The following ELP2 variants were observed in gnomAD, a reference collection of about 807,000 sequenced individuals.
ELP2 encodes the protein elongator complex protein 2.
In ELP2, 90 loss-of-function variants were observed where a neutral mutation model predicts 119.2. The ratio of observed to expected loss-of-function variants is 0.75; its 90% CI spans 0.64 to 0.90. The LOEUF (loss-of-function observed/expected upper bound fraction) is 0.90. ELP2 is among the 40% of genes least tolerant of loss of function. ELP2 has a pLI of 0.00. For synonymous variants in ELP2, 339 were observed against 331.0 expected (o/e 1.02, Z -0.26); for missense variants, 921 against 967.8 (o/e 0.95, Z 0.64).
In ELP2 at chr18:36,134,216, G is replaced by A. The variant is rs2089746818; in HGVS notation, c.217+900G>A. Among the ~76,000 whole-genome samples the A allele has an allele frequency of 2.6e-5, 4 of 152,268 alleles. No homozygotes were observed. In the South Asian group the frequency reaches 8.3e-4, roughly 32 times the overall value. On this transcript the variant is annotated intron_variant, in intron 2 of 21. Coordinates refer to ENST00000358232, the MANE Select transcript of ELP2 (RefSeq NM_018255.4). ...ATGTGAGAAGTAAGAGATTGGACTA[G>A]ATCAAGGGTGTCTTAGAGGTTTGTA...
chr18:36,162,224 C>T (rs534644099), intron 17 of ELP2, among the ~76,000 whole-genome samples: 13 of 152,292 alleles, frequency 8.5e-5, no homozygotes, highest in African/African-American at 2.4e-4. Flanking sequence ...TCCCTTTCCC[C>T]TCCTGCCTCC....
Position 36,167,157 on chromosome 18 carries a change from A to C in ELP2, c.2011A>C (p.Ile671Leu). The change falls in exon 19 of 22, where the codon ATT (isoleucine) becomes CTT (leucine). Residue 671 changes from isoleucine (I) to leucine (L), a missense_variant. By Grantham distance (5) the Ile-to-Leu change is conservative (BLOSUM62 2). Coordinates refer to ENST00000358232, the MANE Select transcript of ELP2 (RefSeq NM_018255.4). ...TNKITSVHSR[I>L]IWSCDWSPDS... The stretch of plus-strand genomic sequence containing the variant: ...CAAAATTACTTCTGTGCACAGTAGA[A>C]TTATTTGGTCTTGTGATTGGAGTCC... 2 of 1,600,936 alleles carry C rather than the reference A, an allele frequency of 1.2e-6. No homozygotes were observed. Among genetic ancestry groups the C allele is most frequent in the Non-Finnish European group, 1.7e-6 (2 of 1,172,960 alleles).
intron 11 of ELP2, among the ~76,000 whole-genome samples, chr18:36,152,904 A>G (rs772568979): frequency 2.3e-4 from 35 of 152,284 alleles, no homozygotes; most frequent in Non-Finnish European, 3.8e-4. Flanking sequence ...ATTCCTTAGC[A>G]CTACACCCTT....
At chr18:36,145,545 C>G (rs766539232) in intron 9 of ELP2, among the ~76,000 whole-genome samples, 1 of 152,148 alleles carries the variant, frequency 6.6e-6, no homozygotes. Flanking sequence ...GGCCTCTTCC[C>G]CAAGGCAATA....
At chr18:36,130,499 T>C (rs1372476520) in intron 1 of ELP2, among the ~76,000 whole-genome samples, 2 of 152,204 alleles carry the variant, frequency 1.3e-5, no homozygotes, top group African/African-American at 4.8e-5. Context: ...ACTTTTGTTG[T>C]ATTGAATTTC....
chr18:36,133,732 ATTTAT>A (rs914287026), intron 2 of ELP2, among the ~76,000 whole-genome samples: 5 of 46,266 alleles, frequency 1.1e-4, no homozygotes, highest in African/African-American at 1.7e-4. Flanking sequence ...TTATTTATTT[ATTTAT>A]TTTTTTTTTG....
rs998031780 is a variant in ELP2, at chr18:36,180,545, C to T, written c.*5904C>T. The T allele has an allele frequency of 4.6e-5, 7 of 152,200 alleles. No individual in the cohort carries two copies. The highest frequency in any genetic ancestry group is 1.7e-4 in the African/African-American group (7 of 41,456). The allele number at this position is 152,200 out of a possible 1,614,324, so 9.4% of individuals were successfully genotyped here. ...TATTATGATTAAATAAAGCTCTGCT[C>T]GTGTCAACTCCATAGAGCCTTTGGT... On this transcript the variant is annotated 3_prime_UTR_variant, in exon 22 of 22. Coordinates refer to ENST00000358232, the MANE Select transcript of ELP2 (RefSeq NM_018255.4).
intron 21 of ELP2, among the ~76,000 whole-genome samples, chr18:36,174,207 A>T (rs1416186392): frequency 6.6e-6 from 1 of 152,174 alleles, no homozygotes; most frequent in Admixed American, 6.5e-5. Context: ...ATTTAAAAAA[A>T]TTTTATTTTT....
At chr18:36,145,200 CA>C in intron 9 of ELP2, 166 bp downstream of exon 9, 1 of 646,288 alleles carries the variant, frequency 1.5e-6, no homozygotes, top group Non-Finnish European at 2.8e-6. Flanking sequence ...GCTGGACACT[CA>C]GTTCCATTGA....
intron 12 of ELP2, among the ~76,000 whole-genome samples, chr18:36,155,273 C>CCG (rs931711568): frequency 6.2e-5 from 9 of 146,302 alleles, no homozygotes; most frequent in South Asian, 2.3e-4. Context: ...CTCCCCCCCC[C>CCG]CCGCCTCCCA....
At position 36,136,429 on chromosome 18, in the gene ELP2, T is replaced by C. The variant is rs567746162; in HGVS notation, c.288+52T>C. The C allele has an allele frequency of 7.0e-6, 10 of 1,433,960 alleles. No homozygotes were observed. In the African/African-American group the frequency reaches 1.3e-4, roughly 18 times the overall value. 88.8% of individuals were successfully genotyped at this position (1,433,960 alleles called of 1,614,324 possible). On this transcript the variant is annotated intron_variant, in intron 3 of 21. Coordinates refer to ENST00000358232, the MANE Select transcript of ELP2 (RefSeq NM_018255.4). ...AATGACTTTTTTTGTTCATTTGTTT[T>C]TTAAGAGGTAGAGTTTCACTCTGTC...
chr18:36,137,461 A>G lies in ELP2; in HGVS notation c.289-809A>G, dbSNP rs144215727. On this transcript the variant is annotated intron_variant, in intron 3 of 21. Coordinates refer to ENST00000358232, the MANE Select transcript of ELP2 (RefSeq NM_018255.4). ...GGCAGAATTCTGTTTTAAGTATTATAATTGGAAAAACAACTGAAGAGACAT... is the reference window on the plus strand; with the variant it reads ...GGCAGAATTCTGTTTTAAGTATTATGATTGGAAAAACAACTGAAGAGACAT... Among the ~76,000 whole-genome samples, 122 of 152,350 alleles carry G rather than the reference A, an allele frequency of 8.0e-4. 1 individual carries two copies. Among genetic ancestry groups the G allele is most frequent in the African/African-American group, 2.9e-3 (122 of 41,586 alleles).
intron 1 of ELP2, among the ~76,000 whole-genome samples, chr18:36,131,427 C>A (rs2089621725): frequency 6.6e-6 from 1 of 152,258 alleles, no homozygotes; most frequent in Admixed American, 6.5e-5. Flanking sequence ...TCATCCAGCG[C>A]CGTGAGCGCG....
rs191282158 is a variant in ELP2 at position 36,141,088 on chromosome 18, C to T, written c.524-49C>T. 3,882 of 1,431,770 alleles carry T rather than the reference C, an allele frequency of 2.7e-3. 16 individuals are homozygous for T. The highest frequency in any genetic ancestry group is 9.2e-3 in the South Asian group (800 of 87,324). The allele number at this position is 1,431,770 out of a possible 1,614,324, so 88.7% of individuals were successfully genotyped here. A position where few individuals can be genotyped will look rare whatever the true frequency, so the allele number is the denominator to read the frequency against. ...ATCCAGTACAGTTGATAAATCATAACGTGGTGGAATAGAGAACTCACAGTG... is the reference window on the plus strand; with the variant it reads ...ATCCAGTACAGTTGATAAATCATAATGTGGTGGAATAGAGAACTCACAGTG... On this transcript the variant is annotated intron_variant, in intron 5 of 21. Transcript: ENST00000358232.
At position 36,159,722 on chromosome 18, in the gene ELP2, T is replaced by G; in HGVS notation, c.1535-13T>G. 1 of 1,593,792 alleles carries G rather than the reference T, an allele frequency of 6.3e-7. No homozygotes were observed. The highest frequency in any genetic ancestry group is 1.1e-5 in the South Asian group (1 of 90,684). ...AATAGTGACTATATTCTTGATGTGT[T>G]TCTTCAAACTAGGAGATATAGCTTC... On this transcript the variant is annotated splice_polypyrimidine_tract_variant and intron_variant, in intron 14 of 21. Transcript: ENST00000358232.
chr18:36,164,667 G>A lies in ELP2; in HGVS notation c.1954G>A (p.Glu652Lys), dbSNP rs767421594. 12 of 1,613,694 alleles carry A rather than the reference G, an allele frequency of 7.4e-6. No individual in the cohort carries two copies. The highest frequency in any genetic ancestry group is 1.7e-5 in the Admixed American group (1 of 59,986). ...GCAGGATACAATCTCACCTGAGTTC[G>A]GTAAAACAGCTTCTGATTGGGAAAG... ...KKQDTISPEF[E>K]PVFSLFAFTN... Residue 652 changes from glutamate to lysine, a missense_variant and splice_region_variant, in exon 18 of 22, where the codon GAG (glutamate) becomes AAG (lysine). Glu to Lys is a moderately conservative substitution (Grantham distance 56). Coordinates refer to ENST00000358232, the MANE Select transcript of ELP2 (RefSeq NM_018255.4).
chr18:36,153,351 T>G (rs915538409), intron 11 of ELP2, among the ~76,000 whole-genome samples: 3 of 152,130 alleles, frequency 2.0e-5, no homozygotes, highest in African/African-American at 7.2e-5. Context: ...CCTTTTATCC[T>G]TTTTCTTCCC....
At chr18:36,158,950 A>C (rs751075359) in intron 14 of ELP2, 46 bp downstream of exon 14, 1 of 1,305,076 alleles carries the variant, frequency 7.7e-7, no homozygotes, top group Admixed American at 1.7e-5. Flanking sequence ...GTGGTACTTA[A>C]ACCCCAGTCA....
At position 36,141,192 on chromosome 18, in the gene ELP2, A is replaced by G; in HGVS notation, c.579A>G (p.Gln193=). The change falls in exon 6 of 22, where the codon CAA becomes CAG. Residue 193 remains glutamine (Q), a synonymous_variant. Transcript: ENST00000358232. ...DDCRIHIFAQ[Q]NDQFQKVLSL... is the part of the protein sequence containing the mutation. ...GCAGAATTCACATATTTGCTCAACAAAATGATCAGGTAATAATGTTTATAT... is the reference window on the plus strand; with the variant it reads ...GCAGAATTCACATATTTGCTCAACAGAATGATCAGGTAATAATGTTTATAT... The G allele has an allele frequency of 6.2e-7, 1 of 1,611,782 alleles. No individual in the cohort carries two copies. Among genetic ancestry groups the G allele is most frequent in the Non-Finnish European group, 8.5e-7 (1 of 1,177,910 alleles).
Sources: allele counts gnomAD v4.1 joint callset (sites outside exome capture counted in the v4.1 genomes callset), GRCh38; gene constraint gnomAD v4.1.1; transcripts MANE v1.5; gene names NCBI Gene and HGNC (gene_info 2026-07-23, HGNC 2026-07-21).